The following LHFPL2 variants were observed in gnomAD, a reference collection of about 807,000 sequenced individuals.
LHFPL2 encodes LHFPL tetraspan subfamily member 2 protein.
LHFPL2 carries 7 observed loss-of-function variants against 17.5 expected under a neutral mutation model. The observed-to-expected ratio is 0.40, with a 90% CI of 0.23 to 0.75. The LOEUF (loss-of-function observed/expected upper bound fraction) is 0.75. Ranked by LOEUF, LHFPL2 falls within the 30% of genes least tolerant of loss-of-function variation. The pLI is 0.37. For synonymous variants in LHFPL2, 134 were observed against 116.2 expected (o/e 1.15, Z -0.99); for missense variants, 241 against 294.8 (o/e 0.82, Z 1.34).
intron 2 of LHFPL2, among the ~76,000 whole-genome samples, chr5:78,570,051 T>A (rs1270191689): frequency 6.6e-6 from 1 of 152,210 alleles, no homozygotes; most frequent in Non-Finnish European, 1.5e-5. Context: ...TTCATTCACA[T>A]AATTCTTACC....
At chr5:78,628,586 T>C (rs1019729941) in intron 2 of LHFPL2, among the ~76,000 whole-genome samples, 7 of 152,174 alleles carry the variant, frequency 4.6e-5, no homozygotes, top group Non-Finnish European at 5.9e-5. Flanking sequence ...AGAAAGGCAA[T>C]GGCAAAAAGA....
intron 4 of LHFPL2, among the ~76,000 whole-genome samples, chr5:78,504,699 C>T (rs970385962): frequency 2.6e-5 from 4 of 152,138 alleles, no homozygotes; most frequent in Non-Finnish European, 5.9e-5. Flanking sequence ...TCATGTTGTC[C>T]TCTTTCACCC....
At chr5:78,526,028 C>G (rs1399114002) in intron 3 of LHFPL2, among the ~76,000 whole-genome samples, 3 of 152,194 alleles carry the variant, frequency 2.0e-5, no homozygotes, top group Non-Finnish European at 4.4e-5. Flanking sequence ...AGTCCAGTGC[C>G]AGGGGCTTCA....
intron 1 of LHFPL2, among the ~76,000 whole-genome samples, chr5:78,634,979 C>T (rs1745381511): frequency 6.6e-6 from 1 of 152,128 alleles, no homozygotes; most frequent in African/African-American, 2.4e-5. Flanking sequence ...CTAGGGACAC[C>T]AGGGGAAGAA....
At chr5:78,631,033 T>A (rs1374494389) in intron 2 of LHFPL2, among the ~76,000 whole-genome samples, 3 of 152,202 alleles carry the variant, frequency 2.0e-5, no homozygotes, top group African/African-American at 7.2e-5. Flanking sequence ...TCCGGGTACC[T>A]CTCAAAGCAC....
At chr5:78,578,886 C>A (rs1417327949) in intron 2 of LHFPL2, among the ~76,000 whole-genome samples, 1 of 152,166 alleles carries the variant, frequency 6.6e-6, no homozygotes, top group African/African-American at 2.4e-5. Flanking sequence ...CGTGATCTAT[C>A]AGCAACGTAG....
chr5:78,629,351 C>A (rs1745166185), intron 2 of LHFPL2, among the ~76,000 whole-genome samples: 1 of 152,226 alleles, frequency 6.6e-6, no homozygotes, highest in African/African-American at 2.4e-5. Flanking sequence ...AACAACAAAA[C>A]CCCTACAGTA....
rs1024100986 is a variant in LHFPL2 at position 78,516,352 on chromosome 5, C to T, written c.-185-5954G>A. ...CCCATCTCTGACTTCTGGGAAAACT[C>T]TGAAGCTATGGTTCCCAATTAGGGG... is the stretch of plus-strand genomic sequence containing the variant. On this transcript the variant is annotated intron_variant, in intron 3 of 4. Transcript: ENST00000380345. Among the ~76,000 whole-genome samples the T allele has an allele frequency of 2.0e-5, 3 of 152,320 alleles. No homozygotes were observed. The East Asian group carries it at 5.8e-4, about 29-fold the overall frequency.
At chr5:78,578,977 C>CA (rs1474320615) in intron 2 of LHFPL2, among the ~76,000 whole-genome samples, 5 of 152,176 alleles carry the variant, frequency 3.3e-5, no homozygotes, top group Non-Finnish European at 5.9e-5. Flanking sequence ...GCAGAGAGAG[C>CA]ATCTATTCAC....
At chr5:78,511,639 A>C (rs1755129892) in intron 3 of LHFPL2, among the ~76,000 whole-genome samples, 1 of 152,206 alleles carries the variant, frequency 6.6e-6, no homozygotes, top group African/African-American at 2.4e-5. Context: ...GAGGAAGAGA[A>C]GCGGAGAAAT....
intron 2 of LHFPL2, among the ~76,000 whole-genome samples, chr5:78,582,875 T>C (rs924927685): frequency 3.9e-5 from 6 of 152,192 alleles, no homozygotes; most frequent in African/African-American, 1.4e-4. Flanking sequence ...TGTCCAATGT[T>C]GACAGTGGGC....
chr5:78,617,904 C>A (rs1744676197), intron 2 of LHFPL2, among the ~76,000 whole-genome samples: 1 of 120,036 alleles, frequency 8.3e-6, no homozygotes. Flanking sequence ...GCATCATGAC[C>A]CTTAAAAAAA....
intron 4 of LHFPL2, among the ~76,000 whole-genome samples, chr5:78,496,531 C>G (rs1480946591): frequency 6.6e-6 from 1 of 152,204 alleles, no homozygotes; most frequent in Non-Finnish European, 1.5e-5. Flanking sequence ...ACTCAGAGGG[C>G]TGTGGATCTA....
rs1754215870 is a variant in LHFPL2 at position 78,485,715 on chromosome 5, C to T, written c.*3182G>A. 3 of 152,594 alleles carry T rather than the reference C, an allele frequency of 2.0e-5. No individual in the cohort carries two copies. In the South Asian group the frequency reaches 6.2e-4, roughly 32 times the overall value. The allele number at this position is 152,594 out of a possible 1,614,324, so 9.5% of individuals were successfully genotyped here. Reference sequence around the variant, plus strand: ...AAAAGCATGTTAAGAAATAGCTCCTCAGTGATTATGTACCAGCTACTAGTT... The same window carrying T: ...AAAAGCATGTTAAGAAATAGCTCCTTAGTGATTATGTACCAGCTACTAGTT... On this transcript the variant is annotated 3_prime_UTR_variant, in exon 5 of 5. Coordinates refer to ENST00000380345, the MANE Select transcript of LHFPL2 (RefSeq NM_005779.3).
chr5:78,603,085 G>A (rs1490726748), intron 2 of LHFPL2, among the ~76,000 whole-genome samples: 1 of 152,012 alleles, frequency 6.6e-6, no homozygotes, highest in East Asian at 1.9e-4. Flanking sequence ...GCTGAAACGG[G>A]GTTTCACCAT....
At position 78,565,835 on chromosome 5, in the gene LHFPL2, C is replaced by T. The variant is rs138913176; in HGVS notation, c.-244-964G>A. Among the ~76,000 whole-genome samples, 513 of 152,314 alleles carry T rather than the reference C, an allele frequency of 3.4e-3. 4 individuals are homozygous for T. Among genetic ancestry groups the T allele is most frequent in the African/African-American group, 0.012 (497 of 41,568 alleles). ...CTTCCACTCTACAAAGCCTATTCATCACCTCCCCTGATAGAAACCACATAT... is the reference window on the plus strand; with the variant it reads ...CTTCCACTCTACAAAGCCTATTCATTACCTCCCCTGATAGAAACCACATAT... On this transcript the variant is annotated intron_variant, in intron 2 of 4. Transcript: ENST00000380345.
At chr5:78,511,078 A>G (rs1755106490) in intron 3 of LHFPL2, among the ~76,000 whole-genome samples, 1 of 147,770 alleles carries the variant, frequency 6.8e-6, no homozygotes. Flanking sequence ...TAGACAAAAT[A>G]ATTTACACTA....
chr5:78,596,688 G>A (rs1308801720), intron 2 of LHFPL2, among the ~76,000 whole-genome samples: 2 of 152,046 alleles, frequency 1.3e-5, no homozygotes, highest in East Asian at 1.9e-4. Flanking sequence ...ACACCTCCCC[G>A]CCATGGTCCC....
At chr5:78,541,985 C>T (rs181797660) in intron 3 of LHFPL2, among the ~76,000 whole-genome samples, 3 of 152,116 alleles carry the variant, frequency 2.0e-5, no homozygotes, top group Admixed American at 2.0e-4. Context: ...GTTAGAATAC[C>T]TAGAGTTTGA....
Sources: gnomAD v4.1 joint callset for allele counts (sites outside exome capture counted in the v4.1 genomes callset) on GRCh38, gnomAD v4.1.1 for gene constraint, MANE v1.5 for transcripts, NCBI Gene and HGNC (gene_info 2026-07-23, HGNC 2026-07-21) for gene names.